Variants in EPHA6 observed in about 807,000 individuals in gnomAD.
EPHA6 encodes EPH receptor A6, also known as ephrin type-A receptor 6.
EPHA6 carries 50 observed loss-of-function variants against 112.0 expected under a neutral mutation model. The ratio of observed to expected loss-of-function variants is 0.45; its 90% CI spans 0.36 to 0.56. EPHA6 has a LOEUF of 0.56. Among genes scored for constraint, EPHA6 ranks in the 20% least tolerant of loss-of-function variants. The probability of loss-of-function intolerance (pLI) is 0.00; values close to 1 mark genes in which losing one functional copy is unlikely to be tolerated. For synonymous variants in EPHA6, 529 were observed against 490.7 expected, an observed-to-expected ratio of 1.08 and a Z score of -1.03; for missense variants, 1,280 against 1,417.4, an observed-to-expected ratio of 0.90 and a Z score of 1.56.
chr3:97,640,822 G>GGAA (rs2093996943), intron 14 of EPHA6, among the ~76,000 whole-genome samples: 1 of 151,970 alleles, frequency 6.6e-6, no homozygotes, highest in African/African-American at 2.4e-5. Flanking sequence ...TGTAAAGAAA[G>GGAA]GAAGGAGAGT....
At chr3:97,299,653 A>C (rs1559861881) in intron 5 of EPHA6, among the ~76,000 whole-genome samples, 1 of 152,204 alleles carries the variant, frequency 6.6e-6, no homozygotes, top group Non-Finnish European at 1.5e-5. Flanking sequence ...TCCATGATGT[A>C]GAATATATTT....
chr3:97,279,559 A>G (rs1338520042), intron 5 of EPHA6, among the ~76,000 whole-genome samples: 2 of 152,186 alleles, frequency 1.3e-5, no homozygotes, highest in African/African-American at 4.8e-5. Context: ...GTAAGGCTTA[A>G]GCAATGTGAA....
intron 14 of EPHA6, among the ~76,000 whole-genome samples, chr3:97,673,155 A>G (rs994839297): frequency 1.3e-5 from 2 of 152,222 alleles, no homozygotes. Context: ...CTTTCCCACC[A>G]GCAGTTTCTG....
intron 3 of EPHA6, among the ~76,000 whole-genome samples, chr3:97,156,154 A>T (rs2108387575): frequency 6.6e-6 from 1 of 152,304 alleles, no homozygotes; most frequent in Non-Finnish European, 1.5e-5. Context: ...AGCTTGGAAA[A>T]TTGAAATAAT....
At chr3:97,624,432 T>G (rs2093839049) in intron 13 of EPHA6, among the ~76,000 whole-genome samples, 1 of 151,666 alleles carries the variant, frequency 6.6e-6, no homozygotes. Context: ...ACTTTTAACA[T>G]GCTGCTGAAT....
rs553201444 is a variant in EPHA6 at position 97,040,116 on chromosome 3, T to A, written c.1114+52123T>A. On this transcript the variant is annotated intron_variant, in intron 3 of 17. Transcript: ENST00000389672. ...TAATGATTATTATAATGATTAATTATAATAATGATAGTAATTTTGCTATTT... is the reference window on the plus strand; with the variant it reads ...TAATGATTATTATAATGATTAATTAAAATAATGATAGTAATTTTGCTATTT... 2.5e-3 allele frequency among the ~76,000 whole-genome samples: 372 copies of A among 151,364 alleles called. 3 individuals are homozygous for A. Among genetic ancestry groups the A allele is most frequent in the Non-Finnish European group, 2.7e-3 (184 of 67,800 alleles).
At chr3:97,185,946 G>A (rs946708417) in intron 3 of EPHA6, among the ~76,000 whole-genome samples, 2 of 151,370 alleles carry the variant, frequency 1.3e-5, no homozygotes, top group Non-Finnish European at 2.9e-5. Context: ...ATCATTCTGA[G>A]CAAACTATCA....
intron 5 of EPHA6, among the ~76,000 whole-genome samples, chr3:97,312,813 C>A (rs2081623819): frequency 6.6e-6 from 1 of 150,818 alleles, no homozygotes; most frequent in Non-Finnish European, 1.5e-5. Context: ...CCTGGCATTT[C>A]TGATTTTTGA....
intron 11 of EPHA6, among the ~76,000 whole-genome samples, chr3:97,592,181 G>A (rs936873209): frequency 6.6e-6 from 1 of 152,176 alleles, no homozygotes; most frequent in Non-Finnish European, 1.5e-5. Context: ...AGCACTAATA[G>A]AGATAGACCT....
chr3:97,198,997 A>G (rs913068216), intron 3 of EPHA6, among the ~76,000 whole-genome samples: 2 of 151,986 alleles, frequency 1.3e-5, no homozygotes, highest in African/African-American at 4.8e-5. Context: ...TTATTTTTGA[A>G]ATTAGTTTGG....
chr3:97,387,600 G>A (rs569981086), intron 5 of EPHA6, among the ~76,000 whole-genome samples: 3 of 152,122 alleles, frequency 2.0e-5, no homozygotes, highest in South Asian at 4.2e-4. Flanking sequence ...TCAGCATTTT[G>A]GTCACAACAA....
intron 6 of EPHA6, among the ~76,000 whole-genome samples, chr3:97,416,139 G>GA (rs1280387613): frequency 1.3e-5 from 2 of 151,632 alleles, no homozygotes; most frequent in Non-Finnish European, 2.9e-5. Flanking sequence ...TTTTAATATA[G>GA]AAAAAAAGTA....
chr3:97,587,432 A>G (rs908317075), intron 11 of EPHA6, among the ~76,000 whole-genome samples: 3 of 152,188 alleles, frequency 2.0e-5, no homozygotes, highest in African/African-American at 7.2e-5. Context: ...AACATACAAA[A>G]TATAAAATAA....
intron 3 of EPHA6, among the ~76,000 whole-genome samples, chr3:97,195,091 G>T (rs1377888872): frequency 6.6e-6 from 1 of 151,836 alleles, no homozygotes; most frequent in African/African-American, 2.4e-5. Flanking sequence ...TAATAAGTAA[G>T]GACTTACTTC....
chr3:97,004,125 A>G (rs1257530072), intron 3 of EPHA6, among the ~76,000 whole-genome samples: 1 of 152,184 alleles, frequency 6.6e-6, no homozygotes, highest in Non-Finnish European at 1.5e-5. Flanking sequence ...GTGTCTTTAC[A>G]GTAGAATGAT....
At chr3:96,994,979 T>C (rs921051076) in intron 3 of EPHA6, among the ~76,000 whole-genome samples, 2 of 152,004 alleles carry the variant, frequency 1.3e-5, no homozygotes, top group East Asian at 1.9e-4. Flanking sequence ...CCTAGAAATA[T>C]GCTTTAAAAC....
chr3:96,932,606 C>G (rs1423916181), intron 2 of EPHA6, among the ~76,000 whole-genome samples: 1 of 152,090 alleles, frequency 6.6e-6, no homozygotes, highest in African/African-American at 2.4e-5. Context: ...CTCCTGTAAC[C>G]AAACCCAGGT....
chr3:97,701,377 A>C (rs2033378323), intron 14 of EPHA6, among the ~76,000 whole-genome samples: 1 of 152,070 alleles, frequency 6.6e-6, no homozygotes, highest in Non-Finnish European at 1.5e-5. Flanking sequence ...TCTTGGGAGG[A>C]TCAGAGGGTT....
intron 10 of EPHA6, among the ~76,000 whole-genome samples, chr3:97,497,811 GA>G (rs796241151): frequency 8.2e-5 from 12 of 146,272 alleles, no homozygotes; most frequent in Middle Eastern, 3.5e-3. Flanking sequence ...CAGACTCTCA[GA>G]AAAAAAAAAG....
Sources: gnomAD v4.1 joint callset for allele counts (sites outside exome capture counted in the v4.1 genomes callset) on GRCh38, gnomAD v4.1.1 for gene constraint, MANE v1.5 for transcripts, NCBI Gene and HGNC (gene_info 2026-07-23, HGNC 2026-07-21) for gene names.